Variants in LDB2 observed in about 807,000 individuals in gnomAD.
LDB2 encodes the protein LIM domain-binding protein 2.
Under a neutral mutation model 44.3 loss-of-function variants are expected in LDB2, and 12 were observed. The ratio of observed to expected loss-of-function variants is 0.27; its 90% CI spans 0.17 to 0.44. The LOEUF (loss-of-function observed/expected upper bound fraction) is 0.44. Ranked by LOEUF, LDB2 falls within the 20% of genes least tolerant of loss-of-function variation. The probability of loss-of-function intolerance (pLI) is 1.00; values close to 1 mark genes in which losing one functional copy is unlikely to be tolerated. For missense variants in LDB2, 344 were observed against 473.5 expected, an observed-to-expected ratio of 0.73 and a Z score of 2.54; for synonymous variants, 164 against 174.8, an observed-to-expected ratio of 0.94 and a Z score of 0.49.
intron 2 of LDB2, among the ~76,000 whole-genome samples, chr4:16,645,553 A>AG (rs528513615): frequency 3.7e-4 from 56 of 151,976 alleles, no homozygotes; most frequent in Non-Finnish European, 7.7e-4. Flanking sequence ...CAAAAAAAAA[A>AG]AAAAAAAAAA....
intron 2 of LDB2, among the ~76,000 whole-genome samples, chr4:16,644,295 C>A (rs563132178): frequency 3.9e-5 from 6 of 152,334 alleles, no homozygotes; most frequent in Admixed American, 2.0e-4. Context: ...TTCAATATTT[C>A]ATCCCAAGCT....
At chr4:16,830,932 G>A (rs180737408) in intron 1 of LDB2, among the ~76,000 whole-genome samples, 50 of 152,306 alleles carry the variant, frequency 3.3e-4, no homozygotes, top group African/African-American at 1.2e-3. Flanking sequence ...CCAGCAGAGA[G>A]AGAACCTAGA....
chr4:16,549,919 A>G (rs1737060847), intron 5 of LDB2, among the ~76,000 whole-genome samples: 1 of 152,238 alleles, frequency 6.6e-6, no homozygotes, highest in African/African-American at 2.4e-5. Context: ...GAAGGCAACC[A>G]AAAATTCAAG....
chr4:16,885,689 T>G (rs1721464112), intron 1 of LDB2, among the ~76,000 whole-genome samples: 1 of 152,214 alleles, frequency 6.6e-6, no homozygotes, highest in African/African-American at 2.4e-5. Context: ...TAAAATATTT[T>G]GATTTATGGA....
intron 2 of LDB2, among the ~76,000 whole-genome samples, chr4:16,690,945 A>C (rs1219170333): frequency 6.6e-6 from 1 of 152,214 alleles, no homozygotes; most frequent in Non-Finnish European, 1.5e-5. Flanking sequence ...CAAGGAAGCC[A>C]TCTCTGATGT....
intron 5 of LDB2, among the ~76,000 whole-genome samples, chr4:16,573,563 G>A (rs183226699): frequency 6.6e-6 from 1 of 152,302 alleles, no homozygotes; most frequent in East Asian, 1.9e-4. Flanking sequence ...GTACCAGACA[G>A]TTTAAAAGCC....
chr4:16,746,579 G>A (rs571559660), intron 2 of LDB2, among the ~76,000 whole-genome samples: 75 of 152,282 alleles, frequency 4.9e-4, no homozygotes, highest in African/African-American at 1.8e-3. Context: ...TGGATGTCAG[G>A]AGTTTGAGAT....
At chr4:16,654,668 A>T (rs1301709012) in intron 2 of LDB2, among the ~76,000 whole-genome samples, 1 of 152,204 alleles carries the variant, frequency 6.6e-6, no homozygotes, top group African/African-American at 2.4e-5. Context: ...TTAAGAGATA[A>T]ATGTAGAACT....
At chr4:16,855,225 A>G (rs1387467538) in intron 1 of LDB2, among the ~76,000 whole-genome samples, 2 of 152,162 alleles carry the variant, frequency 1.3e-5, no homozygotes, top group Non-Finnish European at 2.9e-5. Flanking sequence ...GTGCACAGCA[A>G]TAGTGAGAAA....
chr4:16,817,273 G>T (rs1781125710), intron 1 of LDB2, among the ~76,000 whole-genome samples: 1 of 152,142 alleles, frequency 6.6e-6, no homozygotes, highest in Admixed American at 6.6e-5. Context: ...CTGATAGAGA[G>T]ATATAATTCC....
At chr4:16,858,782 C>T (rs527723771) in intron 1 of LDB2, among the ~76,000 whole-genome samples, 2 of 152,270 alleles carry the variant, frequency 1.3e-5, no homozygotes, top group South Asian at 4.1e-4. Context: ...TTTTTCCATC[C>T]TGGACCTGAT....
chr4:16,595,975 C>A, intron 2 of LDB2, 100 bp from the exon 3 acceptor site: 3 of 1,224,462 alleles, frequency 2.5e-6, no homozygotes, highest in Middle Eastern at 4.9e-4. Flanking sequence ...GGATACTGAT[C>A]ATCTCAAGAA....
At chr4:16,779,289 G>C (rs562759869) in intron 1 of LDB2, among the ~76,000 whole-genome samples, 46 of 152,294 alleles carry the variant, frequency 3.0e-4, no homozygotes, top group African/African-American at 1.1e-3. Context: ...TGATCTCCTT[G>C]AAATTGCCCT....
chr4:16,797,041 A>G (rs1315003206), intron 1 of LDB2, among the ~76,000 whole-genome samples: 3 of 152,188 alleles, frequency 2.0e-5, no homozygotes, highest in African/African-American at 7.2e-5. Context: ...AACTGAAGAA[A>G]TCTGAATAAA....
intron 2 of LDB2, among the ~76,000 whole-genome samples, chr4:16,633,342 C>T (rs541608215): frequency 3.9e-5 from 6 of 152,102 alleles, no homozygotes; most frequent in South Asian, 2.1e-4. Context: ...ATGTAAATGA[C>T]GAGTTAATGG....
intron 2 of LDB2, among the ~76,000 whole-genome samples, chr4:16,603,899 C>T (rs1228713916): frequency 6.6e-6 from 1 of 152,150 alleles, no homozygotes; most frequent in Non-Finnish European, 1.5e-5. Flanking sequence ...AAAAGGGTCT[C>T]ACTCTGTCAC....
At position 16,796,477 on chromosome 4, in the gene LDB2, T is replaced by A. The variant is rs372805700; in HGVS notation, c.133-37217A>T. On this transcript the variant is annotated intron_variant, in intron 1 of 7. Coordinates refer to ENST00000304523, the MANE Select transcript of LDB2 (RefSeq NM_001290.5). ...AATGTACAATACTGACATCCATGAATCCATGCTGATATACATACATGGTTG... is the reference window on the plus strand; with the variant it reads ...AATGTACAATACTGACATCCATGAAACCATGCTGATATACATACATGGTTG... Among the ~76,000 whole-genome samples, 20 of 152,268 alleles carry A rather than the reference T, an allele frequency of 1.3e-4. No individual in the cohort carries two copies. The South Asian group carries it at 4.1e-3, about 32-fold the overall frequency.
chr4:16,506,721 CAGTG>C (rs1385386543), intron 7 of LDB2: 1 of 148,820 alleles, frequency 6.7e-6, no homozygotes, highest in Non-Finnish European at 1.5e-5. Flanking sequence ...CTAGATTAGA[CAGTG>C]AGCTCTTCAA....
At chr4:16,829,793 C>G (rs1006481328) in intron 1 of LDB2, among the ~76,000 whole-genome samples, 1 of 152,148 alleles carries the variant, frequency 6.6e-6, no homozygotes, top group Non-Finnish European at 1.5e-5. Flanking sequence ...TAGATGAAGG[C>G]TGTGTATCCT....
Sources: gnomAD v4.1 joint callset for allele counts (sites outside exome capture counted in the v4.1 genomes callset) on GRCh38, gnomAD v4.1.1 for gene constraint, MANE v1.5 for transcripts, NCBI Gene and HGNC (gene_info 2026-07-23, HGNC 2026-07-21) for gene names.